Variants in METTL25 observed in about 807,000 individuals in gnomAD.
METTL25 encodes probable methyltransferase-like protein 25.
A neutral mutation model predicts 71.6 loss-of-function variants in METTL25; 64 were observed. The observed-to-expected ratio is 0.89, with a 90% CI of 0.73 to 1.10. The LOEUF is 1.10. Ranked by LOEUF, METTL25 falls within the 50% of genes least tolerant of loss-of-function variation. METTL25 has a pLI of 0.00. For synonymous variants in METTL25, 287 were observed against 250.3 expected (o/e 1.15, Z -1.38); for missense variants, 807 against 707.0 (o/e 1.14, Z -1.60).
intron 1 of METTL25, among the ~76,000 whole-genome samples, chr12:82,383,254 A>G (rs1884618715): frequency 6.6e-6 from 1 of 151,820 alleles, no homozygotes; most frequent in Non-Finnish European, 1.5e-5. Flanking sequence ...GGCTCACTGC[A>G]ACCTCTGCCT....
At position 82,479,021 on chromosome 12, in the gene METTL25, G is replaced by A; in HGVS notation, c.1809G>A (p.Gln603=). The A allele has an allele frequency of 6.2e-7, 1 of 1,611,596 alleles. No individual in the cohort carries two copies. Among genetic ancestry groups the A allele is most frequent in the South Asian group, 1.1e-5 (1 of 90,908 alleles). ...CTGTTATTGCCCTGAAGAAGCAGCA[G>A]TGATTTCCATTGAAGCAAATTATTA... ...CYAVIALKKQ[Q] is the part of the protein sequence containing the mutation. Residue 603 remains glutamine, a synonymous_variant, in exon 12 of 12, where the codon CAG becomes CAA. Transcript: ENST00000248306.
intron 5 of METTL25, among the ~76,000 whole-genome samples, chr12:82,421,923 A>G (rs1214215784): frequency 2.0e-5 from 3 of 152,202 alleles, no homozygotes; most frequent in Non-Finnish European, 2.9e-5. Context: ...CCAACCAAAA[A>G]AAGTCCAGGA....
chr12:82,438,569 T>A, intron 7 of METTL25, 149 bp from the exon 8 acceptor site: 1 of 335,652 alleles, frequency 3.0e-6, no homozygotes, highest in Non-Finnish European at 5.4e-6. Flanking sequence ...AGGGTAACAC[T>A]TTCGCTCGTA....
intron 1 of METTL25, among the ~76,000 whole-genome samples, chr12:82,379,052 A>G (rs1026749662): frequency 2.0e-5 from 3 of 152,156 alleles, no homozygotes; most frequent in Non-Finnish European, 2.9e-5. Context: ...AACAGCAACA[A>G]TAATAAACAA....
chr12:82,476,837 G>T (rs1014856470), intron 10 of METTL25, 119 bp downstream of exon 10: 7 of 609,778 alleles, frequency 1.1e-5, no homozygotes, highest in African/African-American at 7.7e-5. Context: ...TAGAAAAACT[G>T]TTTTGGATCA....
At chr12:82,463,343 C>T (rs1317078491) in intron 9 of METTL25, among the ~76,000 whole-genome samples, 3 of 151,972 alleles carry the variant, frequency 2.0e-5, no homozygotes, top group Non-Finnish European at 2.9e-5. Flanking sequence ...TTTTAACGTT[C>T]TAATCCTGGC....
chr12:82,475,170 T>A (rs570488150), intron 9 of METTL25, among the ~76,000 whole-genome samples: 2 of 152,340 alleles, frequency 1.3e-5, no homozygotes, highest in Admixed American at 1.3e-4. Flanking sequence ...AGTTCTGAGT[T>A]ATCTTACAAC....
In METTL25 at chr12:82,358,680, G is replaced by T. The variant is rs975404727; in HGVS notation, c.115G>T (p.Val39Leu). 34 of 1,614,176 alleles carry T rather than the reference G, an allele frequency of 2.1e-5. No homozygotes were observed. Among genetic ancestry groups the T allele is most frequent in the Non-Finnish European group, 2.7e-5 (32 of 1,180,052 alleles). Residue 39 changes from valine to leucine, a missense_variant, in exon 1 of 12, where the codon GTG becomes TTG. Physicochemically the swap from Val to Leu is conservative, Grantham distance 32. Transcript: ENST00000248306. Reference sequence around the variant, plus strand: ...CCTGTCCATTTCCAATGCACATACCGTGGATTTCTACACAGAATCCGTGTG... The same window carrying T: ...CCTGTCCATTTCCAATGCACATACCTTGGATTTCTACACAGAATCCGTGTG... ...DALSISNAHT[V>L]DFYTESVWEE...
intron 9 of METTL25, among the ~76,000 whole-genome samples, chr12:82,460,964 A>C (rs766843791): frequency 2.6e-5 from 4 of 152,194 alleles, no homozygotes; most frequent in African/African-American, 4.8e-5. Context: ...TAACACAGTG[A>C]AACCCCATCT....
chr12:82,405,278 C>A (rs554788194), intron 5 of METTL25, among the ~76,000 whole-genome samples: 1 of 152,152 alleles, frequency 6.6e-6, no homozygotes, highest in African/African-American at 2.4e-5. Flanking sequence ...CCAGAGTGAT[C>A]CCCAGAGCTC....
intron 5 of METTL25, among the ~76,000 whole-genome samples, chr12:82,427,187 C>T (rs1889098584): frequency 6.6e-6 from 1 of 151,870 alleles, no homozygotes; most frequent in Non-Finnish European, 1.5e-5. Flanking sequence ...AGCACACTAC[C>T]CATACTCCTC....
chr12:82,446,629 G>GT (rs1890764270), intron 8 of METTL25, among the ~76,000 whole-genome samples: 1 of 75,622 alleles, frequency 1.3e-5, no homozygotes, highest in Non-Finnish European at 2.9e-5. Flanking sequence ...TTTTTTTTTT[G>GT]TTTTTGAGAC....
intron 5 of METTL25, among the ~76,000 whole-genome samples, chr12:82,428,076 A>C (rs148856778): frequency 1.3e-3 from 202 of 152,052 alleles, no homozygotes; most frequent in African/African-American, 4.6e-3. Context: ...CCGTGAACAC[A>C]TTCCAGACAG....
intron 1 of METTL25, among the ~76,000 whole-genome samples, chr12:82,377,174 C>T (rs1883961388): frequency 1.3e-5 from 2 of 151,502 alleles, no homozygotes; most frequent in Non-Finnish European, 2.9e-5. Flanking sequence ...TGTTTTTAGT[C>T]TTTTTTTCTG....
chr12:82,387,255 A>G (rs986652820), intron 2 of METTL25, among the ~76,000 whole-genome samples: 4 of 152,066 alleles, frequency 2.6e-5, no homozygotes, highest in Admixed American at 2.6e-4. Flanking sequence ...AGCTACTACA[A>G]ATTCCAAAAT....
chr12:82,383,097 T>A (rs1884600423), intron 1 of METTL25, among the ~76,000 whole-genome samples: 2 of 152,048 alleles, frequency 1.3e-5, no homozygotes, highest in Admixed American at 1.3e-4. Context: ...AAATATAGTA[T>A]CTTAGGATAT....
At chr12:82,405,827 A>G (rs1243652495) in intron 5 of METTL25, among the ~76,000 whole-genome samples, 1 of 152,204 alleles carries the variant, frequency 6.6e-6, no homozygotes, top group Non-Finnish European at 1.5e-5. Flanking sequence ...TATCTTCAGT[A>G]CTAAGCACAT....
chr12:82,476,360 A>G, intron 9 of METTL25: 1 of 297,284 alleles, frequency 3.4e-6, no homozygotes, highest in Non-Finnish European at 6.2e-6. Context: ...GCATAATAAC[A>G]AATGAAAGTA....
chr12:82,432,592 G>C (rs1359257744), intron 6 of METTL25, among the ~76,000 whole-genome samples: 1 of 151,588 alleles, frequency 6.6e-6, no homozygotes, highest in East Asian at 1.9e-4. Flanking sequence ...AACATTCAGA[G>C]AACCAAAACA....
Sources: gnomAD v4.1 joint callset for allele counts (sites outside exome capture counted in the v4.1 genomes callset) on GRCh38, gnomAD v4.1.1 for gene constraint, MANE v1.5 for transcripts, NCBI Gene and HGNC (gene_info 2026-07-23, HGNC 2026-07-21) for gene names.